Variants in PRKRA observed in about 807,000 individuals in gnomAD.
The protein encoded by PRKRA is interferon-inducible double-stranded RNA-dependent protein kinase activator A.
Under a neutral mutation model 32.4 loss-of-function variants are expected in PRKRA, and 22 were observed. The ratio of observed to expected loss-of-function variants is 0.68; its 90% CI spans 0.49 to 0.97. The LOEUF (loss-of-function observed/expected upper bound fraction) is 0.97, where lower values mean the gene tolerates loss of function less well. PRKRA is among the 50% of genes least tolerant of loss of function. The probability of loss-of-function intolerance (pLI) is 0.00; values close to 1 mark genes in which losing one functional copy is unlikely to be tolerated. For synonymous variants in PRKRA, 139 were observed against 129.8 expected (o/e 1.07, Z -0.48); for missense variants, 319 against 375.6 (o/e 0.85, Z 1.25).
chr2:178,443,190 A>G, intron 5 of PRKRA, 77 bp downstream of exon 5: 1 of 827,722 alleles, frequency 1.2e-6, no homozygotes, highest in Non-Finnish European at 1.8e-6. Context: ...ATATTTGAAA[A>G]CATTACGACA....
intron 4 of PRKRA, chr2:178,443,803 C>G (rs961222708): frequency 5.4e-6 from 1 of 185,190 alleles, no homozygotes; most frequent in Non-Finnish European, 1.1e-5. Context: ...GGACAGCAAA[C>G]AACAGACTTG....
intron 5 of PRKRA, among the ~76,000 whole-genome samples, chr2:178,442,349 CT>C (rs1697149460): frequency 6.6e-6 from 1 of 152,142 alleles, no homozygotes; most frequent in African/African-American, 2.4e-5. Context: ...TAAAATACAT[CT>C]GAATTATAAC....
rs1235471739 is a variant in PRKRA at position 178,450,977 on chromosome 2, A to G, written c.54T>C (p.Ser18=). The change falls in exon 1 of 8, where the codon AGT becomes AGC. Residue 18 remains serine (S), a synonymous_variant. Coordinates refer to ENST00000325748, the MANE Select transcript of PRKRA (RefSeq NM_003690.5). The part of the protein sequence containing the change: ...AEAPPLERED[S]GTFSLGKMIT... ...GCCCGCACGCTGACCTGAAGGTCCCACTGTCCTCGCGCTCCAGCGGCGGGG... is the reference window on the plus strand; with the variant it reads ...GCCCGCACGCTGACCTGAAGGTCCCGCTGTCCTCGCGCTCCAGCGGCGGGG... 7.3e-5 allele frequency: 114 copies of G among 1,562,222 alleles called. No individual in the cohort carries two copies. The highest frequency in any genetic ancestry group is 8.9e-5 in the Non-Finnish European group (103 of 1,159,438).
rs1330671574 is a variant in PRKRA, at chr2:178,450,249, G to A, written c.228C>T (p.Thr76=). 1.2e-6 allele frequency: 2 copies of A among 1,614,260 alleles called. No homozygotes were observed. The highest frequency in any genetic ancestry group is 1.7e-6 in the Non-Finnish European group (2 of 1,180,042). ...FTFRVTVGDI[T]CTGEGTSKKL... The stretch of plus-strand genomic sequence containing the variant: ...TTAACTGTGTATACAGACCTGTGCA[G>A]GTTATGTCACCAACGGTTACTCTGA... The change falls in exon 2 of 8, where the codon ACC becomes ACT. Residue 76 remains threonine, a synonymous_variant. Transcript: ENST00000325748.
chr2:178,450,582 G>A, intron 1 of PRKRA, 171 bp from the exon 2 acceptor site: 2 of 1,499,714 alleles, frequency 1.3e-6, no homozygotes, highest in Non-Finnish European at 8.8e-7. Context: ...GCCCCGCTGC[G>A]GCAGTCACTC....
chr2:178,443,222 C>A (rs1013932095), intron 5 of PRKRA, 45 bp downstream of exon 5: 1 of 906,008 alleles, frequency 1.1e-6, no homozygotes, highest in South Asian at 1.6e-5. Context: ...AGTCATTCAT[C>A]ATCTGAAAAT....
At chr2:178,432,825 G>A (rs1349838331) in intron 7 of PRKRA, among the ~76,000 whole-genome samples, 1 of 152,094 alleles carries the variant, frequency 6.6e-6, no homozygotes, top group Non-Finnish European at 1.5e-5. Flanking sequence ...GTCCATTCAT[G>A]TTCCTAGGTT....
chr2:178,450,582 G>T (rs1049654908), intron 1 of PRKRA, 171 bp from the exon 2 acceptor site: 3 of 1,499,714 alleles, frequency 2.0e-6, no homozygotes, highest in Non-Finnish European at 2.7e-6. Flanking sequence ...GCCCCGCTGC[G>T]GCAGTCACTC....
At chr2:178,443,198 A>T in intron 5 of PRKRA, 69 bp downstream of exon 5, 1 of 876,716 alleles carries the variant, frequency 1.1e-6, no homozygotes, top group Non-Finnish European at 1.6e-6. Context: ...AAACATTACG[A>T]CAGAAATTTC....
intron 2 of PRKRA, 88 bp from the exon 3 acceptor site, chr2:178,447,674 C>G (rs1399747860): frequency 1.7e-6 from 2 of 1,210,680 alleles, no homozygotes; most frequent in East Asian, 8.4e-5. Context: ...AACAAAGTCA[C>G]TATAGATTTT....
At chr2:178,432,385 CTT>C (rs1696699382) in intron 7 of PRKRA, 131 bp from the exon 8 acceptor site, 2 of 1,217,214 alleles carry the variant, frequency 1.6e-6, no homozygotes, top group East Asian at 2.5e-5. Context: ...CACTCGCAAT[CTT>C]TGTTTTGCTT....
chr2:178,447,519 G>A lies in PRKRA; in HGVS notation c.303C>T (p.Ala101=). The A allele has an allele frequency of 6.2e-7, 1 of 1,614,052 alleles. No individual in the cohort carries two copies. Among genetic ancestry groups the A allele is most frequent in the Non-Finnish European group, 8.5e-7 (1 of 1,179,938 alleles). Residue 101 remains alanine (A), a synonymous_variant, in exon 3 of 8, where the codon GCC becomes GCT. Coordinates refer to ENST00000325748, the MANE Select transcript of PRKRA (RefSeq NM_003690.5). ...ATTTAGCTCACCAAATACTTGCATT[G>A]GCTTTCAAAATGTTTATGGCAGCCT... The part of the protein sequence containing the change: ...AAEAAINILK[A]NASICFAVPD...
rs1321853695 is a variant in PRKRA, at chr2:178,443,253, T to C, written c.514+14A>G. 7.0e-6 allele frequency: 11 copies of C among 1,561,372 alleles called. No individual in the cohort carries two copies. Among genetic ancestry groups the C allele is most frequent in the Non-Finnish European group, 9.7e-6 (11 of 1,133,442 alleles). On this transcript the variant is annotated intron_variant, in intron 5 of 7. Coordinates refer to ENST00000325748, the MANE Select transcript of PRKRA (RefSeq NM_003690.5). ...AAAATATTTCAAATGCCTTTAATTG[T>C]AAGAAATAAGTACCAGTTTCCATAA...
At chr2:178,444,176 C>A (rs1366451193) in intron 4 of PRKRA, among the ~76,000 whole-genome samples, 6 of 152,070 alleles carry the variant, frequency 3.9e-5, no homozygotes, top group Non-Finnish European at 8.8e-5. Context: ...TACCCATGTG[C>A]ACTGAGGGCC....
intron 2 of PRKRA, 77 bp downstream of exon 2, chr2:178,450,165 C>G: frequency 6.1e-6 from 8 of 1,305,554 alleles, no homozygotes; most frequent in Non-Finnish European, 8.1e-6. Flanking sequence ...AAAAAGAGAA[C>G]TTTTCCGAAC....
chr2:178,431,990 G>T lies in PRKRA; in HGVS notation c.*107C>A. Reference sequence around the variant, plus strand: ...CTGGAGTGTTGATGGAATCTATGAAGAGATTTAGAAACAAGACATAAACAC... The same window carrying T: ...CTGGAGTGTTGATGGAATCTATGAATAGATTTAGAAACAAGACATAAACAC... On this transcript the variant is annotated 3_prime_UTR_variant, in exon 8 of 8. Transcript: ENST00000325748. 1 of 1,286,460 alleles carries T rather than the reference G, an allele frequency of 7.8e-7. No individual in the cohort carries two copies. Among genetic ancestry groups the T allele is most frequent in the Non-Finnish European group, 1.1e-6 (1 of 907,072 alleles). 79.7% of individuals were successfully genotyped at this position (1,286,460 alleles called of 1,614,324 possible). A position where few individuals can be genotyped will look rare whatever the true frequency, so the allele number is the denominator to read the frequency against.
At chr2:178,432,378 TCG>T in intron 7 of PRKRA, 124 bp from the exon 8 acceptor site, 1 of 1,274,550 alleles carries the variant, frequency 7.8e-7, no homozygotes, top group Non-Finnish European at 1.1e-6. Context: ...ACTACACCAC[TCG>T]CAATCTTTGT....
chr2:178,443,364 G>A lies in PRKRA; in HGVS notation c.417C>T (p.Gly139=). Residue 139 remains glycine (G), a synonymous_variant, in exon 5 of 8, where the codon GGC becomes GGT. Transcript: ENST00000325748. ...AAAGGGTATATTCAGGAAGTCTCCA[G>A]CCATGATGAATAGCCAATTCCTATA... ...GSLQELAIHH[G]WRLPEYTLSQ... is the part of the protein sequence containing the mutation. 1 of 1,611,528 alleles carries A rather than the reference G, an allele frequency of 6.2e-7. No individual in the cohort carries two copies.
Position 178,433,836 on chromosome 2 carries a change from T to C in PRKRA, c.785-1582A>G, listed in dbSNP as rs533872060. 6 of 152,330 alleles carry C rather than the reference T, an allele frequency of 3.9e-5. No homozygotes were observed. In the South Asian group the frequency reaches 1.2e-3, roughly 32 times the overall value. The allele number at this position is 152,330 out of a possible 1,614,324, so 9.4% of individuals were successfully genotyped here. On this transcript the variant is annotated intron_variant, in intron 7 of 7. Transcript: ENST00000325748. ...ATATCTAGGTTCTTTTGAAGGTAGC[T>C]GCATATAAACTAGCCAAATTAACAG...
Sources: gnomAD v4.1 joint callset for allele counts (sites outside exome capture counted in the v4.1 genomes callset) on GRCh38, gnomAD v4.1.1 for gene constraint, MANE v1.5 for transcripts, NCBI Gene and HGNC (gene_info 2026-07-23, HGNC 2026-07-21) for gene names.